Variants in NBEAL1 observed in about 807,000 individuals in gnomAD.
NBEAL1 encodes the protein neurobeachin like 1.
NBEAL1 carries 273 observed loss-of-function variants against 351.3 expected under a neutral mutation model. That is an observed-to-expected ratio of 0.78 (90% CI 0.70 to 0.86). NBEAL1 has a LOEUF of 0.86. NBEAL1 is among the 40% of genes least tolerant of loss of function. The pLI is 0.00. For missense variants in NBEAL1, 2,961 were observed against 3,201.3 expected (o/e 0.92, Z 1.81); for synonymous variants, 1,050 against 1,086.4 (o/e 0.97, Z 0.66).
At chr2:203,158,934 C>A (rs535579530) in intron 36 of NBEAL1, among the ~76,000 whole-genome samples, 1 of 151,448 alleles carries the variant, frequency 6.6e-6, no homozygotes, top group African/African-American at 2.4e-5. Flanking sequence ...ATCCTCCTGC[C>A]GCAGCCTCCT....
At chr2:203,050,602 T>A (rs2061309061) in intron 4 of NBEAL1, among the ~76,000 whole-genome samples, 1 of 152,244 alleles carries the variant, frequency 6.6e-6, no homozygotes. Context: ...ATATTTCATT[T>A]TATTATTTTA....
At chr2:203,133,235 T>A (rs1451190164) in intron 27 of NBEAL1, 89 bp downstream of exon 27, 25 of 503,622 alleles carry the variant, frequency 5.0e-5, no homozygotes, top group Non-Finnish European at 7.9e-5. Flanking sequence ...CAGATACAAG[T>A]TTTCATTTAT....
intron 12 of NBEAL1, among the ~76,000 whole-genome samples, chr2:203,100,376 G>C (rs957219853): frequency 4.6e-5 from 7 of 152,156 alleles, no homozygotes; most frequent in African/African-American, 1.7e-4. Flanking sequence ...CAGTGTATAA[G>C]TGTTTCCTTT....
chr2:203,154,070 C>T (rs924464671), intron 35 of NBEAL1, among the ~76,000 whole-genome samples: 3 of 151,590 alleles, frequency 2.0e-5, no homozygotes, highest in African/African-American at 4.8e-5. Flanking sequence ...ATGGTGAAAC[C>T]CTGTCTCTAC....
At chr2:203,193,670 C>T (rs1257366210) in intron 46 of NBEAL1, 125 bp from the exon 47 acceptor site, 2 of 575,676 alleles carry the variant, frequency 3.5e-6, no homozygotes, top group Non-Finnish European at 3.0e-6. Context: ...TGAGCCAACA[C>T]CTATAATTGT....
intron 7 of NBEAL1, among the ~76,000 whole-genome samples, chr2:203,070,096 A>G (rs1015287912): frequency 3.3e-5 from 5 of 152,188 alleles, no homozygotes; most frequent in African/African-American, 9.7e-5. Context: ...TAAATATGAT[A>G]TTAGCTGTGT....
intron 36 of NBEAL1, among the ~76,000 whole-genome samples, chr2:203,162,458 A>G (rs2063995635): frequency 6.6e-6 from 1 of 152,110 alleles, no homozygotes; most frequent in Non-Finnish European, 1.5e-5. Context: ...TAATATTACA[A>G]ATTGAGGGCC....
At chr2:203,132,216 T>A in intron 26 of NBEAL1, 84 bp downstream of exon 26, 2 of 883,268 alleles carry the variant, frequency 2.3e-6, no homozygotes, top group Non-Finnish European at 3.4e-6. Context: ...AGGCTGCTTT[T>A]AAAATATCTG....
At chr2:203,155,206 C>A (rs1053167888) in intron 35 of NBEAL1, among the ~76,000 whole-genome samples, 4 of 148,796 alleles carry the variant, frequency 2.7e-5, no homozygotes, top group Non-Finnish European at 5.9e-5. Flanking sequence ...CATGATTATA[C>A]CACTTCATTC....
intron 17 of NBEAL1, among the ~76,000 whole-genome samples, chr2:203,113,907 C>T (rs532827868): frequency 7.2e-4 from 109 of 151,196 alleles, no homozygotes; most frequent in African/African-American, 2.5e-3. Context: ...CTGCAAGCTC[C>T]GCCTCCCAGG....
intron 18 of NBEAL1, among the ~76,000 whole-genome samples, chr2:203,120,098 A>T (rs2062796083): frequency 6.6e-6 from 1 of 152,240 alleles, no homozygotes; most frequent in South Asian, 2.1e-4. Flanking sequence ...TTTTTAAAAA[A>T]TAAGTTCAAC....
Position 203,144,799 on chromosome 2 carries a change from A to G in NBEAL1, c.5048A>G (p.Asn1683Ser), listed in dbSNP as rs149255709. Residue 1683 changes from asparagine (N) to serine (S), a missense_variant, in exon 32 of 56, where the codon AAC (asparagine) becomes AGC (serine). By Grantham distance (46) the Asn-to-Ser change is conservative (BLOSUM62 1). Transcript: ENST00000683969. ...VSKIYELLFMNLHLPSLPFTN... is the reference protein window; with the variant it reads ...VSKIYELLFMSLHLPSLPFTN... ...AAAATTTATGAGCTTCTCTTCATGA[A>G]CTTGCACCTACCTTCTTTACCTTTT... is the stretch of plus-strand genomic sequence containing the variant. 2 of 1,614,042 alleles carry G rather than the reference A, an allele frequency of 1.2e-6. No homozygotes were observed. The highest frequency in any genetic ancestry group is 1.3e-5 in the African/African-American group (1 of 75,038).
At chr2:203,114,145 G>A (rs1185846742) in intron 17 of NBEAL1, among the ~76,000 whole-genome samples, 1 of 151,990 alleles carries the variant, frequency 6.6e-6, no homozygotes, top group Admixed American at 6.6e-5. Flanking sequence ...TTATTATAAG[G>A]GGTTCTCTCA....
In NBEAL1 at chr2:203,197,287, T is replaced by C. The variant is rs1163661733; in HGVS notation, c.7039-15T>C. The C allele has an allele frequency of 6.8e-7, 1 of 1,462,124 alleles. No homozygotes were observed. Among genetic ancestry groups the C allele is most frequent in the Non-Finnish European group, 9.6e-7 (1 of 1,044,246 alleles). The allele number at this position is 1,462,124 out of a possible 1,614,324, so 90.6% of individuals were successfully genotyped here. On this transcript the variant is annotated splice_polypyrimidine_tract_variant and intron_variant, in intron 47 of 55. Coordinates refer to ENST00000683969, the MANE Select transcript of NBEAL1 (RefSeq NM_001378026.1). ...GATGAGCAGAACCAGCCACTAAACC[T>C]CTTTTATTTTATAGGGGATTAGTGA... is the stretch of plus-strand genomic sequence containing the variant.
Position 203,217,309 on chromosome 2 carries a change from G to C in NBEAL1, c.8127G>C (p.Gln2709His), listed in dbSNP as rs936947482. The change falls in exon 56 of 56, where the codon CAG (glutamine) becomes CAC (histidine). Residue 2709 changes from glutamine to histidine, a missense_variant. Transcript: ENST00000683969. The part of the protein sequence containing the change: ...KFWGSSKRLS[Q>H]ISAGETEYNT... The stretch of plus-strand genomic sequence containing the variant: ...GGGGATCGAGCAAGCGGCTCAGCCA[G>C]ATTTCAGCTGGAGAAACTGAATATA... 1.2e-6 allele frequency: 2 copies of C among 1,602,844 alleles called. No homozygotes were observed. Among genetic ancestry groups the C allele is most frequent in the Non-Finnish European group, 1.7e-6 (2 of 1,174,378 alleles).
chr2:203,152,963 G>C (rs575847712), intron 35 of NBEAL1, among the ~76,000 whole-genome samples: 43 of 152,046 alleles, frequency 2.8e-4, no homozygotes, highest in African/African-American at 9.6e-4. Flanking sequence ...ACTTGAACCC[G>C]AGAGGCAGAG....
intron 36 of NBEAL1, among the ~76,000 whole-genome samples, chr2:203,158,692 AATT>A: frequency 1.3e-5 from 2 of 152,180 alleles, no homozygotes; most frequent in Admixed American, 1.3e-4. Flanking sequence ...TTTGCTACAT[AATT>A]ATCAAGTATC....
rs551549711 is a variant in NBEAL1, at chr2:203,065,690, T to C, written c.516-2703T>C. On this transcript the variant is annotated intron_variant, in intron 6 of 55. Coordinates refer to ENST00000683969, the MANE Select transcript of NBEAL1 (RefSeq NM_001378026.1). Reference sequence around the variant, plus strand: ...TGGTGTGAACCCAGGAGGCGGAGCTTGCAGTGAGCCGAGATTGCGCCACTG... The same window carrying C: ...TGGTGTGAACCCAGGAGGCGGAGCTCGCAGTGAGCCGAGATTGCGCCACTG... Among the ~76,000 whole-genome samples, 36 of 152,004 alleles carry C rather than the reference T, an allele frequency of 2.4e-4. No individual in the cohort carries two copies. In the East Asian group the frequency reaches 5.8e-3, roughly 25 times the overall value.
chr2:203,132,998 C>A, intron 26 of NBEAL1, 60 bp from the exon 27 acceptor site: 3 of 699,910 alleles, frequency 4.3e-6, no homozygotes, highest in South Asian at 1.9e-5. Context: ...GTATTATCCA[C>A]AGTTCTTTCT....
Sources: gnomAD v4.1 joint callset for allele counts (sites outside exome capture counted in the v4.1 genomes callset) on GRCh38, gnomAD v4.1.1 for gene constraint, MANE v1.5 for transcripts, NCBI Gene and HGNC (gene_info 2026-07-23, HGNC 2026-07-21) for gene names.